The following VPS13D variants were observed in gnomAD, a reference collection of about 807,000 sequenced individuals.
VPS13D encodes the protein intermembrane lipid transfer protein VPS13D.
In VPS13D, 187 loss-of-function variants were observed where a neutral mutation model predicts 461.9. The observed-to-expected ratio is 0.40, with a 90% CI of 0.36 to 0.46. VPS13D has a LOEUF of 0.46. Ranked by LOEUF, VPS13D falls within the 20% of genes least tolerant of loss-of-function variation. The pLI is 0.60. For missense variants in VPS13D, 4,711 were observed against 5,364.9 expected, an observed-to-expected ratio of 0.88 and a Z score of 3.81; for synonymous variants, 1,951 against 1,986.3, an observed-to-expected ratio of 0.98 and a Z score of 0.47.
intron 35 of VPS13D, 59 bp downstream of exon 35, chr1:12,323,839 T>C: frequency 6.4e-7 from 1 of 1,553,754 alleles, no homozygotes; most frequent in Admixed American, 1.7e-5. Flanking sequence ...TTCCTTCCCA[T>C]TTCCTCTCTT....
intron 20 of VPS13D, 102 bp from the exon 21 acceptor site, chr1:12,282,603 A>G (rs1641818125): frequency 2.6e-6 from 3 of 1,134,782 alleles, no homozygotes; most frequent in Non-Finnish European, 3.8e-6. Flanking sequence ...GGTAACTTAC[A>G]GCCTCATGTA....
rs767242382 is a variant in VPS13D at position 12,335,726 on chromosome 1, A to G, written c.8450A>G (p.Glu2817Gly). The G allele has an allele frequency of 3.1e-6, 5 of 1,613,940 alleles. No individual in the cohort carries two copies. Among genetic ancestry groups the G allele is most frequent in the Non-Finnish European group, 4.2e-6 (5 of 1,179,908 alleles). Residue 2817 changes from glutamate (E) to glycine (G), a missense_variant, in exon 39 of 70, where the codon GAA becomes GGA. By Grantham distance (98) the Glu-to-Gly change is moderately conservative (BLOSUM62 -2). This residue lies in a region of VPS13D where 4,411 missense variants were observed against 4,937.8 expected (regional missense o/e 0.89). Transcript: ENST00000620676. Reference protein sequence around the residue: ...VLIDQYVSTKESWMADYCKDD... With the variant: ...VLIDQYVSTKGSWMADYCKDD... ...CTAGACCAGTATGTAAGTACCAAGGAATCGTGGATGGCAGATTACTGTAAA... is the reference window on the plus strand; with the variant it reads ...CTAGACCAGTATGTAAGTACCAAGGGATCGTGGATGGCAGATTACTGTAAA...
chr1:12,322,844 T>G (rs1314055332), intron 34 of VPS13D, 98 bp downstream of exon 34: 8 of 1,006,998 alleles, frequency 7.9e-6, no homozygotes, highest in Non-Finnish European at 8.8e-6. Context: ...TGTACACAGT[T>G]TAATTGTATG....
At chr1:12,450,985 T>C (rs141068635) in intron 65 of VPS13D, among the ~76,000 whole-genome samples, 34 of 152,296 alleles carry the variant, frequency 2.2e-4, no homozygotes, top group African/African-American at 7.9e-4. Flanking sequence ...GGTAAATAAC[T>C]GTGAAAGAAG....
chr1:12,273,024 G>T lies in VPS13D; in HGVS notation c.2125G>T (p.Val709Leu). The change falls in exon 18 of 70, where the codon GTG (valine) becomes TTG (leucine). Residue 709 changes from valine (V) to leucine (L), a missense_variant. Physicochemically the swap from Val to Leu is conservative, Grantham distance 32. Transcript: ENST00000620676. ...ACAGGAGGAGAGTAAACGATGGACC[G>T]TGCGGCTGGATATTTCTGCCCCTCA... Reference protein sequence around the residue: ...DFIEESKRWTVRLDISAPQVI... With the variant: ...DFIEESKRWTLRLDISAPQVI... The T allele has an allele frequency of 6.2e-7, 1 of 1,614,002 alleles. No individual in the cohort carries two copies. Among genetic ancestry groups the T allele is most frequent in the Non-Finnish European group, 8.5e-7 (1 of 1,179,954 alleles).
Position 12,400,579 on chromosome 1 carries a change from C to T in VPS13D, c.11784+249C>T, listed in dbSNP as rs1423585520. On this transcript the variant is annotated intron_variant, in intron 61 of 69. Transcript: ENST00000620676. The stretch of plus-strand genomic sequence containing the variant: ...CATATAGGCCAGAGTCCATATTCAT[C>T]AGAGTGAAGTCACTGTAGGAAAGTA... Among the ~76,000 whole-genome samples the T allele has an allele frequency of 2.0e-5, 3 of 152,134 alleles. No homozygotes were observed. The South Asian group carries it at 6.2e-4, about 31-fold the overall frequency.
intron 58 of VPS13D, among the ~76,000 whole-genome samples, chr1:12,384,461 G>A (rs1173327569): frequency 2.0e-5 from 3 of 152,136 alleles, no homozygotes; most frequent in Non-Finnish European, 4.4e-5. Flanking sequence ...ATGTCCATAA[G>A]TCATTGTAAC....
rs747960751 is a variant in VPS13D, at chr1:12,268,777, C to T, written c.1873C>T (p.Arg625Trp). Residue 625 changes from arginine to tryptophan, a missense_variant, in exon 16 of 70, where the codon CGG (arginine) becomes TGG (tryptophan). By Grantham distance (101) the Arg-to-Trp change is moderately radical. Coordinates refer to ENST00000620676, the MANE Select transcript of VPS13D (RefSeq NM_015378.4). Reference protein sequence around the residue: ...RNPAHSHFERRLNVSTRPLNI... With the variant: ...RNPAHSHFERWLNVSTRPLNI... ...TCCGGCGCACAGCCACTTTGAGAGG[C>T]GGCTCAATGTCAGCACAAGGCCCTT... is the stretch of plus-strand genomic sequence containing the variant. The T allele has an allele frequency of 4.6e-5, 74 of 1,613,932 alleles. No individual in the cohort carries two copies. The Admixed American group carries it at 4.7e-4, about 10-fold the overall frequency.
rs200758340 is a variant in VPS13D at position 12,335,764 on chromosome 1, A to G, written c.8488A>G (p.Ile2830Val). ...AGATTACTGTAAAGATGACAAGGAC[A>G]TAGAGTCAGCTAAATCAGAAGACTG... is the stretch of plus-strand genomic sequence containing the variant. ...MADYCKDDKD[I>V]ESAKSEDWMG... is the part of the protein sequence containing the mutation. Residue 2830 changes from isoleucine (I) to valine (V), a missense_variant, in exon 39 of 70, where the codon ATA (isoleucine) becomes GTA (valine). This residue lies in a region of VPS13D where 4,411 missense variants were observed against 4,937.8 expected (regional missense o/e 0.89). Transcript: ENST00000620676. The G allele has an allele frequency of 1.1e-5, 17 of 1,614,214 alleles. No homozygotes were observed. The African/African-American group carries it at 1.7e-4, about 16-fold the overall frequency.
chr1:12,381,925 T>TCTTTTCTTTC (rs1644280334), intron 57 of VPS13D, among the ~76,000 whole-genome samples: 1 of 70,464 alleles, frequency 1.4e-5, no homozygotes, highest in African/African-American at 6.7e-5. Context: ...TCTTTTCTTT[T>TCTTTTCTTTC]CTTTCTTTCT....
At chr1:12,368,647 G>A in intron 53 of VPS13D, 56 bp downstream of exon 53, 2 of 1,580,886 alleles carry the variant, frequency 1.3e-6, no homozygotes, top group Non-Finnish European at 1.7e-6. Context: ...AGGGTGGAGT[G>A]TGTACTGCCC....
At chr1:12,479,592 C>T (rs1304982568) in intron 67 of VPS13D, among the ~76,000 whole-genome samples, 1 of 152,192 alleles carries the variant, frequency 6.6e-6, no homozygotes, top group East Asian at 1.9e-4. Flanking sequence ...CGTAACTTGT[C>T]TAAGATCTCA....
rs183578584 is a variant in VPS13D, at chr1:12,358,326, A to C, written c.9999-133A>C. On this transcript the variant is annotated intron_variant, in intron 49 of 69. Transcript: ENST00000620676. ...TTTTGTCACTGTGCTAGGGAATCACATGAGAGTGAGGAAGAGAGTCAGTGG... is the reference window on the plus strand; with the variant it reads ...TTTTGTCACTGTGCTAGGGAATCACCTGAGAGTGAGGAAGAGAGTCAGTGG... 290 of 1,228,200 alleles carry C rather than the reference A, an allele frequency of 2.4e-4. No individual in the cohort carries two copies. In the African/African-American group the frequency reaches 3.9e-3, roughly 16 times the overall value. The allele number at this position is 1,228,200 out of a possible 1,614,324, so 76.1% of individuals were successfully genotyped here.
chr1:12,391,752 A>C (rs1422189567), intron 60 of VPS13D, among the ~76,000 whole-genome samples: 1 of 152,126 alleles, frequency 6.6e-6, no homozygotes, highest in East Asian at 1.9e-4. Context: ...GTAACTGTAA[A>C]TCTATGTGAT....
At chr1:12,451,682 GCCTAGCACAC>G (rs1450059194) in intron 65 of VPS13D, among the ~76,000 whole-genome samples, 1 of 152,198 alleles carries the variant, frequency 6.6e-6, no homozygotes, top group Non-Finnish European at 1.5e-5. Flanking sequence ...CAGTTTAGAA[GCCTAGCACAC>G]CCTGGTGCTG....
chr1:12,370,826 C>T (rs1644105466), intron 54 of VPS13D, among the ~76,000 whole-genome samples: 1 of 152,150 alleles, frequency 6.6e-6, no homozygotes, highest in South Asian at 2.1e-4. Context: ...TTACTAAGCT[C>T]TTTAACTGAA....
chr1:12,455,497 C>T (rs1425885008), intron 65 of VPS13D, among the ~76,000 whole-genome samples: 2 of 152,188 alleles, frequency 1.3e-5, no homozygotes, highest in Non-Finnish European at 2.9e-5. Flanking sequence ...TTAGTAGTTG[C>T]TTTGCAAAGC....
chr1:12,362,694 A>C, intron 50 of VPS13D, 26 bp from the exon 51 acceptor site: 1 of 1,610,704 alleles, frequency 6.2e-7, no homozygotes, highest in Non-Finnish European at 8.5e-7. Context: ...TGGTTAACTC[A>C]TAAAAGTGGT....
rs1183246142 is a variant in VPS13D, at chr1:12,471,641, T to C, written c.12662+11245T>C. On this transcript the variant is annotated intron_variant, in intron 67 of 69. Coordinates refer to ENST00000620676, the MANE Select transcript of VPS13D (RefSeq NM_015378.4). Reference sequence around the variant, plus strand: ...CATGTTTCCTTTCCCCATTTTTCAGTACAGTTATATGATCCTTTTTGAATA... The same window carrying C: ...CATGTTTCCTTTCCCCATTTTTCAGCACAGTTATATGATCCTTTTTGAATA... 3.9e-5 allele frequency among the ~76,000 whole-genome samples: 6 copies of C among 152,246 alleles called. No homozygotes were observed. The East Asian group carries it at 1.2e-3, about 29-fold the overall frequency.
Sources: gnomAD v4.1 joint callset for allele counts (sites outside exome capture counted in the v4.1 genomes callset) on GRCh38, gnomAD v4.1.1 for gene constraint, gnomAD v4.1.1 regional missense constraint, MANE v1.5 for transcripts, NCBI Gene and HGNC (gene_info 2026-07-23, HGNC 2026-07-21) for gene names.